The following ADGRL3 variants were observed in gnomAD, a reference collection of about 807,000 sequenced individuals.
ADGRL3 encodes the protein adhesion G protein-coupled receptor L3.
In ADGRL3, 62 loss-of-function variants were observed where a neutral mutation model predicts 153.5. The observed-to-expected ratio is 0.40, with a 90% CI of 0.33 to 0.50. The LOEUF (loss-of-function observed/expected upper bound fraction) is 0.50. ADGRL3 is among the 20% of genes least tolerant of loss of function. The pLI, the probability that ADGRL3 is intolerant of heterozygous loss-of-function variation, is 0.47. For synonymous variants in ADGRL3, 710 were observed against 672.5 expected (o/e 1.06, Z -0.86); for missense variants, 1,641 against 1,859.4 (o/e 0.88, Z 2.16).
chr4:61,934,926 G>T lies in ADGRL3; in HGVS notation c.2199G>T (p.Ala733=), dbSNP rs199658315. The T allele has an allele frequency of 6.2e-7, 1 of 1,613,782 alleles. No individual in the cohort carries two copies. The highest frequency in any genetic ancestry group is 1.3e-5 in the African/African-American group (1 of 75,012). ...TGACTACGAGTGATCAGCTGCGTGC[G>T]GCCACCATGTTGCTTCATACTGTGG... ...RDLTTSDQLR[A]ATMLLHTVEE... The change falls in exon 14 of 27, where the codon GCG becomes GCT. Residue 733 remains alanine (A), a synonymous_variant. Coordinates refer to ENST00000683033, the MANE Select transcript of ADGRL3 (RefSeq NM_001387552.1).
chr4:61,832,244 C>T (rs1416244168), intron 9 of ADGRL3, among the ~76,000 whole-genome samples: 1 of 152,116 alleles, frequency 6.6e-6, no homozygotes, highest in African/African-American at 2.4e-5. Context: ...GGCAGGCAAA[C>T]ATTAATTTGT....
At chr4:61,355,830 A>G (rs1303385495) in intron 1 of ADGRL3, among the ~76,000 whole-genome samples, 4 of 152,132 alleles carry the variant, frequency 2.6e-5, no homozygotes, top group Non-Finnish European at 5.9e-5. Flanking sequence ...TGGATGAAGA[A>G]TAAAGTTTAT....
intron 4 of ADGRL3, among the ~76,000 whole-genome samples, chr4:61,530,311 T>C (rs2098604737): frequency 6.6e-6 from 1 of 151,924 alleles, no homozygotes; most frequent in Admixed American, 6.6e-5. Context: ...TACAACTATA[T>C]GGTCTTTCAA....
intron 9 of ADGRL3, among the ~76,000 whole-genome samples, chr4:61,817,276 G>GACCC (rs1554038728): frequency 7.2e-5 from 11 of 152,316 alleles, no homozygotes. Context: ...TCAAGGCAGG[G>GACCC]ATGGCCTGAA....
chr4:61,713,602 A>G (rs1426534577), intron 6 of ADGRL3, among the ~76,000 whole-genome samples: 3 of 151,894 alleles, frequency 2.0e-5, no homozygotes, highest in Admixed American at 6.6e-5. Flanking sequence ...TGTCTCTTTT[A>G]TACTTTTTAT....
At chr4:61,351,512 C>T (rs1338823405) in intron 1 of ADGRL3, among the ~76,000 whole-genome samples, 1 of 152,178 alleles carries the variant, frequency 6.6e-6, no homozygotes, top group Non-Finnish European at 1.5e-5. Flanking sequence ...GAGGAAATTT[C>T]AGTGCCTGGC....
chr4:61,219,845 CGCCT>C (rs1414481399), intron 1 of ADGRL3, among the ~76,000 whole-genome samples: 1 of 152,094 alleles, frequency 6.6e-6, no homozygotes, highest in African/African-American at 2.4e-5. Context: ...CAGTGGCTCA[CGCCT>C]GTAATCACAG....
In ADGRL3 at chr4:61,428,841, ATC is replaced by A. The variant is rs200540935; in HGVS notation, c.-174+45654_-174+45655del. On this transcript the variant is annotated intron_variant, in intron 2 of 26. Transcript: ENST00000683033. ...ATATCTAGCTATCATTTATCTATCT[ATC>A]TATCTATCTATCTATCTATCTATCT... Among the ~76,000 whole-genome samples the A allele has an allele frequency of 6.9e-3, 833 of 120,780 alleles. 10 individuals are homozygous for A. Among genetic ancestry groups the A allele is most frequent in the African/African-American group, 0.023 (788 of 34,926 alleles). 79.2% of individuals were successfully genotyped at this position (120,780 alleles called of 152,430 possible).
chr4:61,985,078 G>C (rs2099080707), intron 19 of ADGRL3, among the ~76,000 whole-genome samples: 1 of 151,956 alleles, frequency 6.6e-6, no homozygotes. Context: ...CTAAACACAA[G>C]ATTGGAAAAT....
At chr4:61,632,658 C>T (rs1186534954) in intron 5 of ADGRL3, among the ~76,000 whole-genome samples, 2 of 152,190 alleles carry the variant, frequency 1.3e-5, no homozygotes, top group Non-Finnish European at 2.9e-5. Flanking sequence ...GTTATACCCA[C>T]ACAACTGTTC....
intron 8 of ADGRL3, among the ~76,000 whole-genome samples, chr4:61,813,493 TTA>T (rs1176224463): frequency 3.9e-5 from 6 of 152,192 alleles, no homozygotes; most frequent in Admixed American, 6.5e-5. Context: ...GACTTTTGTT[TTA>T]TATGTCTTTG....
intron 1 of ADGRL3, among the ~76,000 whole-genome samples, chr4:61,295,812 A>G (rs2094391376): frequency 6.6e-6 from 1 of 151,644 alleles, no homozygotes; most frequent in South Asian, 2.1e-4. Context: ...TTTAAAAAAA[A>G]AAAAAAGAAA....
chr4:61,484,134 A>G (rs2098163653), intron 2 of ADGRL3, among the ~76,000 whole-genome samples: 1 of 151,866 alleles, frequency 6.6e-6, no homozygotes, highest in African/African-American at 2.4e-5. Flanking sequence ...CCTTTTGCTA[A>G]GTGACTCCTG....
intron 1 of ADGRL3, among the ~76,000 whole-genome samples, chr4:61,205,209 G>A (rs1736556702): frequency 6.6e-6 from 1 of 152,154 alleles, no homozygotes; most frequent in Non-Finnish European, 1.5e-5. Context: ...TTTTCAGATT[G>A]GATTTGGACC....
intron 4 of ADGRL3, among the ~76,000 whole-genome samples, chr4:61,544,329 G>A (rs938686222): frequency 6.6e-6 from 1 of 152,146 alleles, no homozygotes; most frequent in African/African-American, 2.4e-5. Context: ...TTACTAAAGA[G>A]AATGAACTTT....
chr4:61,882,446 C>T (rs1016580100), intron 9 of ADGRL3, among the ~76,000 whole-genome samples: 2 of 152,138 alleles, frequency 1.3e-5, no homozygotes, highest in Non-Finnish European at 2.9e-5. Context: ...TACATGGACT[C>T]CTCTCCCATT....
chr4:61,428,905 C>A (rs866156823), intron 2 of ADGRL3, among the ~76,000 whole-genome samples: 20 of 142,916 alleles, frequency 1.4e-4, no homozygotes, highest in African/African-American at 1.7e-4. Flanking sequence ...ATCTATCTAT[C>A]TATCTATCTA....
At chr4:61,818,982 A>G (rs2097720021) in intron 9 of ADGRL3, among the ~76,000 whole-genome samples, 1 of 152,190 alleles carries the variant, frequency 6.6e-6, no homozygotes, top group Admixed American at 6.5e-5. Context: ...CTTATATTTA[A>G]AGACAAATAT....
intron 1 of ADGRL3, among the ~76,000 whole-genome samples, chr4:61,374,696 C>T (rs1158090408): frequency 6.6e-6 from 1 of 152,076 alleles, no homozygotes; most frequent in African/African-American, 2.4e-5. Flanking sequence ...AAGTTAATCC[C>T]TTTCAGACCT....
Sources: gnomAD v4.1 joint callset for allele counts (sites outside exome capture counted in the v4.1 genomes callset) on GRCh38, gnomAD v4.1.1 for gene constraint, MANE v1.5 for transcripts, NCBI Gene and HGNC (gene_info 2026-07-23, HGNC 2026-07-21) for gene names.